LAMA5: variants seen among roughly 807,000 people sequenced by gnomAD.
LAMA5 encodes laminin subunit alpha-5.
A neutral mutation model predicts 433.4 loss-of-function variants in LAMA5; 260 were observed. The observed-to-expected ratio is 0.60, with a 90% CI of 0.54 to 0.66. The LOEUF (loss-of-function observed/expected upper bound fraction) is 0.66, where lower values mean the gene tolerates loss of function less well. Among genes scored for constraint, LAMA5 ranks in the 30% least tolerant of loss-of-function variants. The probability of loss-of-function intolerance (pLI) is 0.00; values close to 1 mark genes in which losing one functional copy is unlikely to be tolerated. For synonymous variants in LAMA5, 2,620 were observed against 2,226.6 expected (o/e 1.18, Z -4.97); for missense variants, 5,378 against 5,258.5 (o/e 1.02, Z -0.70).
intron 2 of LAMA5, among the ~76,000 whole-genome samples, chr20:62,357,519 G>A (rs550529848): frequency 1.3e-5 from 2 of 152,290 alleles, no homozygotes; most frequent in African/African-American, 4.8e-5. Context: ...GCAGCCGGGA[G>A]CATCTCCACT....
At chr20:62,330,362 A>G in intron 31 of LAMA5, 126 bp downstream of exon 31, 2 of 1,325,494 alleles carry the variant, frequency 1.5e-6, no homozygotes, top group Non-Finnish European at 2.0e-6. Context: ...CTAGTTTGAG[A>G]ACTGATGGCA....
chr20:62,345,580 T>A, intron 11 of LAMA5: 1 of 654,188 alleles, frequency 1.5e-6, no homozygotes, highest in Non-Finnish European at 2.8e-6. Flanking sequence ...CTAATTTTTG[T>A]ATTTGCTGTA....
chr20:62,356,284 C>G (rs949702918), intron 2 of LAMA5: 2 of 152,492 alleles, frequency 1.3e-5, no homozygotes, highest in African/African-American at 4.8e-5. Context: ...CCATCTGTCT[C>G]TGACCTGGTC....
intron 20 of LAMA5, 73 bp downstream of exon 20, chr20:62,334,948 C>A: frequency 7.0e-7 from 1 of 1,423,088 alleles, no homozygotes; most frequent in Non-Finnish European, 9.8e-7. Context: ...CTTGTCCCTC[C>A]GGGCCTTGGG....
Position 62,352,303 on chromosome 20 carries a change from C to A in LAMA5, c.626G>T (p.Arg209Leu), listed in dbSNP as rs780589351. 17 of 1,599,972 alleles carry A rather than the reference C, an allele frequency of 1.1e-5. No homozygotes were observed. The highest frequency in any genetic ancestry group is 6.7e-5 in the Admixed American group (4 of 59,992). ...GGTGGTGCAGATGGCCGCGTCGTCC[C>A]GTGTGATGCGCTCCAGCGTCTGTGG... ...FGPQTLERIT[R>L]DDAAICTTEY... Residue 209 changes from arginine (R) to leucine (L), a missense_variant, in exon 4 of 80, where the codon CGG becomes CTG. Physicochemically the swap from Arg to Leu is moderately radical, Grantham distance 102 (BLOSUM62 -2). Coordinates refer to ENST00000252999, the MANE Select transcript of LAMA5 (RefSeq NM_005560.6).
chr20:62,328,470 T>C, intron 34 of LAMA5, 25 bp from the exon 35 acceptor site: 1 of 1,466,448 alleles, frequency 6.8e-7, no homozygotes, highest in Non-Finnish European at 9.1e-7. Context: ...CAGGGTTTAC[T>C]GACCCCTCTT....
rs1374833105 is a variant in LAMA5, at chr20:62,311,175, G to A, written c.10075C>T (p.Arg3359Ter). The change falls in exon 73 of 80, where the codon CGA (arginine) becomes TGA (stop). Residue 3359 changes from arginine to a stop codon, truncating the protein, a stop_gained. Transcript: ENST00000252999. LOFTEE classifies it high-confidence loss of function. ...GCCTGGCCTTACCAGTTCCTATGTC[G>A]GGCCAGGATGCCCACAAACTCCAGG... ...SHLEFVGILA[R>*]HRNWPSLSMH... is the part of the protein sequence containing the mutation. 3.8e-6 allele frequency: 6 copies of A among 1,598,676 alleles called. No homozygotes were observed. The highest frequency in any genetic ancestry group is 5.1e-6 in the Non-Finnish European group (6 of 1,174,104).
intron 57 of LAMA5, chr20:62,316,352 A>C (rs1442898478): frequency 1.8e-6 from 1 of 544,628 alleles, no homozygotes; most frequent in Non-Finnish European, 3.3e-6. Flanking sequence ...CACCTTTCTC[A>C]TTGCGCAGCT....
At position 62,338,364 on chromosome 20, in the gene LAMA5, G is replaced by GGCA. The variant is rs746748247; in HGVS notation, c.1621_1623dup (p.Cys541dup). On this transcript the variant is annotated inframe_insertion, in exon 13 of 80. Transcript: ENST00000252999. ...TCGGCCACTCCAGGGCTGGAACACT[G>GGCA]GCAGGCTGCAGGAAAGGGTGGCCCA... The GGCA allele has an allele frequency of 9.3e-6, 15 of 1,608,410 alleles. No individual in the cohort carries two copies. Among genetic ancestry groups the GGCA allele is most frequent in the Non-Finnish European group, 1.3e-5 (15 of 1,177,538 alleles).
At chr20:62,346,318 G>A in intron 9 of LAMA5, 103 bp from the exon 10 acceptor site, 1 of 1,467,656 alleles carries the variant, frequency 6.8e-7, no homozygotes, top group Non-Finnish European at 9.2e-7. Flanking sequence ...CCATGGGGAT[G>A]AGGGCTACAG....
chr20:62,352,140 C>G, intron 4 of LAMA5, 61 bp from the exon 5 acceptor site: 1 of 1,587,528 alleles, frequency 6.3e-7, no homozygotes, highest in Middle Eastern at 1.9e-4. Context: ...CTGCCCCTCC[C>G]GGGCCCACCT....
In LAMA5 at chr20:62,347,024, G is replaced by A; in HGVS notation, c.961C>T (p.Gln321Ter). The change falls in exon 7 of 80, where the codon CAG becomes TAG. Residue 321 changes from glutamine to a stop codon, truncating the protein, a stop_gained. Coordinates refer to ENST00000252999, the MANE Select transcript of LAMA5 (RefSeq NM_005560.6). LOFTEE classifies it high-confidence loss of function. Reference sequence around the variant, plus strand: ...CAGGTGTTGTGCTGGCAGGTGCACTGCAGCCTGTGGGGTACACAGGAGGGG... The same window carrying A: ...CAGGTGTTGTGCTGGCAGGTGCACTACAGCCTGTGGGGTACACAGGAGGGG... ...AKDPTDPFRLQCTCQHNTCGG... is the reference protein window; with the variant it reads ...AKDPTDPFRL 1 of 1,610,120 alleles carries A rather than the reference G, an allele frequency of 6.2e-7. No individual in the cohort carries two copies. The highest frequency in any genetic ancestry group is 8.5e-7 in the Non-Finnish European group (1 of 1,179,058).
chr20:62,316,088 C>A (rs752982864), intron 57 of LAMA5, 30 bp from the exon 58 acceptor site: 1 of 1,496,196 alleles, frequency 6.7e-7, no homozygotes, highest in South Asian at 1.2e-5. Flanking sequence ...AGCTCCCAGG[C>A]AGCTTCACCC....
intron 48 of LAMA5, 70 bp downstream of exon 48, chr20:62,321,949 G>T: frequency 1.4e-6 from 2 of 1,476,260 alleles, no homozygotes; most frequent in Non-Finnish European, 1.9e-6. Flanking sequence ...TAACACTGGG[G>T]TCACCAGGCT....
chr20:62,352,381 G>A, intron 3 of LAMA5, 21 bp from the exon 4 acceptor site: 2 of 1,568,084 alleles, frequency 1.3e-6, no homozygotes, highest in Non-Finnish European at 1.7e-6. Flanking sequence ...TGGCGGGAGG[G>A]GAGGGCGCTG....
chr20:62,313,222 T>A lies in LAMA5; in HGVS notation c.8821A>T (p.Thr2941Ser). 1 of 1,508,944 alleles carries A rather than the reference T, an allele frequency of 6.6e-7. No individual in the cohort carries two copies. The highest frequency in any genetic ancestry group is 8.8e-7 in the Non-Finnish European group (1 of 1,133,484). 93.5% of individuals were successfully genotyped at this position (1,508,944 alleles called of 1,614,324 possible). A position where few individuals can be genotyped will look rare whatever the true frequency, so the allele number is the denominator to read the frequency against. The change falls in exon 65 of 80, where the codon ACG becomes TCG. Residue 2941 changes from threonine (T) to serine (S), a missense_variant. By Grantham distance (58) the Thr-to-Ser change is moderately conservative (BLOSUM62 1). Coordinates refer to ENST00000252999, the MANE Select transcript of LAMA5 (RefSeq NM_005560.6). ...RSKSTGDPWLTDGSYLDGTGF... is the reference protein window; with the variant it reads ...RSKSTGDPWLSDGSYLDGTGF... ...GTGCCGTCCAGGTAGGAGCCGTCCG[T>A]GAGCCACGGGTCCCCGGTCGACTTG...
chr20:62,315,266 T>C, intron 58 of LAMA5, 59 bp from the exon 59 acceptor site: 3 of 1,440,142 alleles, frequency 2.1e-6, no homozygotes, highest in South Asian at 1.3e-5. Context: ...TGGCTTCATG[T>C]CCCCAAGTCT....
chr20:62,336,465 C>T lies in LAMA5; in HGVS notation c.2218-20G>A. The T allele has an allele frequency of 6.3e-7, 1 of 1,595,278 alleles. No individual in the cohort carries two copies. The highest frequency in any genetic ancestry group is 2.2e-5 in the East Asian group (1 of 44,704). On this transcript the variant is annotated intron_variant, in intron 17 of 79. Coordinates refer to ENST00000252999, the MANE Select transcript of LAMA5 (RefSeq NM_005560.6). ...CTGTGCCTGGGAGAGGACAAGACTG[C>T]AGGTCAGAGCGGGCGCCCTGCTCTC...
At chr20:62,339,730 C>T (rs1346555165) in intron 11 of LAMA5, among the ~76,000 whole-genome samples, 1 of 71,856 alleles carries the variant, frequency 1.4e-5, no homozygotes, top group Non-Finnish European at 4.1e-5. Context: ...AGAGAGGAAA[C>T]AGTAGCAAAA....
Sources: gnomAD v4.1 joint callset for allele counts (sites outside exome capture counted in the v4.1 genomes callset) on GRCh38, gnomAD v4.1.1 for gene constraint, MANE v1.5 for transcripts, NCBI Gene and HGNC (gene_info 2026-07-23, HGNC 2026-07-21) for gene names.